CDH20: variants seen among roughly 807,000 people sequenced by gnomAD.
CDH20 encodes cadherin 20, also known as cadherin-20.
In CDH20, 29 loss-of-function variants were observed where a neutral mutation model predicts 74.2. That is an observed-to-expected ratio of 0.39 (90% CI 0.29 to 0.53). The LOEUF (loss-of-function observed/expected upper bound fraction) is 0.53, where lower values mean the gene tolerates loss of function less well. Among genes scored for constraint, CDH20 ranks in the 20% least tolerant of loss-of-function variants. CDH20 has a pLI of 0.69. For missense variants in CDH20, 988 were observed against 1,048.3 expected (o/e 0.94, Z 0.79); for synonymous variants, 469 against 405.4 (o/e 1.16, Z -1.88).
chr18:61,466,971 G>A (rs922230304), intron 1 of CDH20, among the ~76,000 whole-genome samples: 2 of 152,160 alleles, frequency 1.3e-5, no homozygotes, highest in African/African-American at 4.8e-5. Flanking sequence ...CAATGTGCTT[G>A]GCCTGGCTTG....
At chr18:61,339,979 T>C (rs1024206571) in intron 1 of CDH20, among the ~76,000 whole-genome samples, 10 of 152,066 alleles carry the variant, frequency 6.6e-5, no homozygotes, top group African/African-American at 2.2e-4. Flanking sequence ...CGTGAGCCAC[T>C]GAGCCCGGCC....
chr18:61,514,511 T>C (rs1911911789), intron 6 of CDH20, among the ~76,000 whole-genome samples: 1 of 152,154 alleles, frequency 6.6e-6, no homozygotes, highest in Admixed American at 6.6e-5. Context: ...GTCAAAGTCA[T>C]TCTCCATCCA....
chr18:61,368,875 A>G (rs1910943209), intron 1 of CDH20, among the ~76,000 whole-genome samples: 1 of 34,608 alleles, frequency 2.9e-5, no homozygotes, highest in African/African-American at 1.2e-4. Flanking sequence ...AAAAAAAAAA[A>G]AAGTTCCAAA....
chr18:61,442,080 A>G (rs966611550), intron 1 of CDH20, among the ~76,000 whole-genome samples: 2 of 152,080 alleles, frequency 1.3e-5, no homozygotes, highest in African/African-American at 2.4e-5. Context: ...CAAAACCCAA[A>G]TGGACATGGT....
At chr18:61,397,051 C>A (rs961462866) in intron 1 of CDH20, among the ~76,000 whole-genome samples, 3 of 152,088 alleles carry the variant, frequency 2.0e-5, no homozygotes, top group African/African-American at 7.2e-5. Flanking sequence ...TATCCAAGAC[C>A]CAAATATAAC....
At chr18:61,475,668 A>G (rs1910349236) in intron 1 of CDH20, among the ~76,000 whole-genome samples, 1 of 152,200 alleles carries the variant, frequency 6.6e-6, no homozygotes, top group Admixed American at 6.5e-5. Context: ...ATTGATATAG[A>G]ACCTACTGTA....
chr18:61,458,036 A>G (rs1364891526), intron 1 of CDH20, among the ~76,000 whole-genome samples: 2 of 152,146 alleles, frequency 1.3e-5, no homozygotes. Context: ...GTTTAAACAA[A>G]CATGACTGTC....
At chr18:61,337,169 T>C (rs994251974) in intron 1 of CDH20, among the ~76,000 whole-genome samples, 9 of 152,234 alleles carry the variant, frequency 5.9e-5, no homozygotes, top group African/African-American at 2.2e-4. Flanking sequence ...TGTTTTACTT[T>C]GATGGTACTT....
intron 2 of CDH20, among the ~76,000 whole-genome samples, chr18:61,497,833 T>A (rs1448649386): frequency 6.6e-6 from 1 of 152,190 alleles, no homozygotes; most frequent in Non-Finnish European, 1.5e-5. Flanking sequence ...AGCCTAATCC[T>A]GGCTGTTTTA....
chr18:61,533,234 G>A (rs917976216), intron 7 of CDH20, among the ~76,000 whole-genome samples: 1 of 152,172 alleles, frequency 6.6e-6, no homozygotes, highest in Non-Finnish European at 1.5e-5. Context: ...CTGGAGCCGA[G>A]GAGTTTGAGG....
chr18:61,523,224 A>AG (rs1912272620), intron 6 of CDH20, among the ~76,000 whole-genome samples: 1 of 149,030 alleles, frequency 6.7e-6, no homozygotes, highest in African/African-American at 2.4e-5. Flanking sequence ...CAAGAAAAAA[A>AG]AAAACAAACA....
chr18:61,359,321 A>G (rs993165303), intron 1 of CDH20, among the ~76,000 whole-genome samples: 1 of 151,892 alleles, frequency 6.6e-6, no homozygotes. Flanking sequence ...TTTTTTTGGC[A>G]TAGACTTTTC....
At chr18:61,355,453 G>C (rs761502991) in intron 1 of CDH20, among the ~76,000 whole-genome samples, 10 of 152,188 alleles carry the variant, frequency 6.6e-5, no homozygotes, top group South Asian at 2.1e-4. Flanking sequence ...CTACGTTTTA[G>C]TATTTACACA....
intron 8 of CDH20, among the ~76,000 whole-genome samples, chr18:61,538,611 T>TTG (rs1912906344): frequency 2.5e-5 from 1 of 39,678 alleles, no homozygotes; most frequent in Non-Finnish European, 4.8e-5. Flanking sequence ...TGTTTTTGTT[T>TTG]TTGTTTTTGT....
At chr18:61,416,022 C>T (rs920840740) in intron 1 of CDH20, among the ~76,000 whole-genome samples, 2 of 148,330 alleles carry the variant, frequency 1.3e-5, no homozygotes, top group African/African-American at 5.0e-5. Flanking sequence ...AGATGATGTA[C>T]TAACACAATG....
intron 1 of CDH20, among the ~76,000 whole-genome samples, chr18:61,395,547 ACCACT>A (rs1911935530): frequency 6.6e-6 from 1 of 152,072 alleles, no homozygotes; most frequent in Non-Finnish European, 1.5e-5. Context: ...CATCATCTGA[ACCACT>A]GATGCCCCTG....
chr18:61,475,514 T>C (rs1910341156), intron 1 of CDH20, among the ~76,000 whole-genome samples: 1 of 152,234 alleles, frequency 6.6e-6, no homozygotes, highest in African/African-American at 2.4e-5. Context: ...TCACTCTGTT[T>C]ATCTCCTAGT....
intron 1 of CDH20, among the ~76,000 whole-genome samples, chr18:61,377,578 AT>A (rs1911282380): frequency 6.6e-6 from 1 of 151,920 alleles, no homozygotes; most frequent in Admixed American, 6.6e-5. Flanking sequence ...TCAGAAATAT[AT>A]TTTATTTCTT....
At chr18:61,395,405 ACTG>A (rs1911930538) in intron 1 of CDH20, among the ~76,000 whole-genome samples, 5 of 152,302 alleles carry the variant, frequency 3.3e-5, no homozygotes, top group African/African-American at 9.6e-5. Flanking sequence ...AGTTTTTAGG[ACTG>A]AGTCATCTTC....
Sources: gnomAD v4.1 joint callset for allele counts (sites outside exome capture counted in the v4.1 genomes callset) on GRCh38, gnomAD v4.1.1 for gene constraint, MANE v1.5 for transcripts, NCBI Gene and HGNC (gene_info 2026-07-23, HGNC 2026-07-21) for gene names.